The following RTN4 variants were observed in gnomAD, a reference collection of about 807,000 sequenced individuals.
RTN4 encodes reticulon 4, also known as reticulon-4.
Under a neutral mutation model 90.4 loss-of-function variants are expected in RTN4, and 32 were observed. That is an observed-to-expected ratio of 0.35 (90% CI 0.27 to 0.48). The LOEUF (loss-of-function observed/expected upper bound fraction) is 0.48. RTN4 is among the 20% of genes least tolerant of loss of function. RTN4 has a pLI of 0.99. For synonymous variants in RTN4, 629 were observed against 552.5 expected (o/e 1.14, Z -1.94); for missense variants, 1,706 against 1,430.2 (o/e 1.19, Z -3.11).
Position 55,050,057 on chromosome 2 carries a change from C to T in RTN4, c.244G>A (p.Gly82Arg). 7.0e-7 allele frequency: 1 copy of T among 1,424,404 alleles called. No individual in the cohort carries two copies. Among genetic ancestry groups the T allele is most frequent in the Admixed American group, 2.9e-5 (1 of 34,678 alleles). The allele number at this position is 1,424,404 out of a possible 1,614,324, so 88.2% of individuals were successfully genotyped here. ...GGCGCCGGCGGCACGAAGTCATTTC[C>T]GAAGTCCATCAGGGGCGCGCCGGCG... ...PAAGAPLMDF[G>R]NDFVPPAPRG... Residue 82 changes from glycine (G) to arginine (R), a missense_variant, in exon 1 of 9, where the codon GGA becomes AGA. Coordinates refer to ENST00000337526, the MANE Select transcript of RTN4 (RefSeq NM_020532.5). The surrounding 1 kb of genome is among the most constrained non-coding windows in gnomAD (Gnocchi z 4.6).
intron 1 of RTN4, among the ~76,000 whole-genome samples, chr2:55,087,723 A>T (rs958336083): frequency 6.6e-6 from 1 of 151,988 alleles, no homozygotes; most frequent in African/African-American, 2.4e-5. Flanking sequence ...TAGTATATGT[A>T]TATCTTCAGC....
At position 55,061,650 on chromosome 2, in the gene RTN4, G is replaced by A. The variant is rs1288710575; in HGVS notation, c.-63+18839C>T. 3.3e-5 allele frequency among the ~76,000 whole-genome samples: 5 copies of A among 152,294 alleles called. No homozygotes were observed. In the East Asian group the frequency reaches 9.6e-4, roughly 29 times the overall value. On this transcript the variant is annotated intron_variant, in intron 2 of 3. Transcript: ENST00000427710. ...GAAGAATGTCCCAACTTCTCAACTT[G>A]TTTGATTGCTTCGTCAAGGTACCAG... is the stretch of plus-strand genomic sequence containing the variant.
At chr2:55,121,562 C>T in the RTN4 span, among the ~76,000 whole-genome samples, 1 of 152,328 alleles carries the variant, frequency 6.6e-6, no homozygotes, top group Non-Finnish European at 1.5e-5. Context: ...TAATTATAAT[C>T]ATAGAGCATC....
chr2:55,111,305 A>G (rs899326907), intron 1 of RTN4, among the ~76,000 whole-genome samples: 2 of 152,182 alleles, frequency 1.3e-5, no homozygotes, highest in African/African-American at 4.8e-5. Context: ...CAGAGATAAC[A>G]AAGAAACCTT....
At chr2:54,973,956 G>A (rs1340830845) in intron 6 of RTN4, 89 bp from the exon 7 acceptor site, 5 of 1,141,206 alleles carry the variant, frequency 4.4e-6, no homozygotes, top group Non-Finnish European at 6.4e-6. Flanking sequence ...GGCAACTCAA[G>A]ATAACCAAGC....
rs184198496 is a variant in RTN4, at chr2:55,031,557, C to T, written c.557-3337G>A. Among the ~76,000 whole-genome samples, 122 of 152,328 alleles carry T rather than the reference C, an allele frequency of 8.0e-4. 1 individual carries two copies. Among genetic ancestry groups the T allele is most frequent in the Admixed American group, 2.9e-3 (44 of 15,300 alleles). On this transcript the variant is annotated intron_variant, in intron 1 of 8. Coordinates refer to ENST00000337526, the MANE Select transcript of RTN4 (RefSeq NM_020532.5). ...AACCTATGGTAGAGCTGCAAATTAA[C>T]TGGATTATATCGAAGGTCAGAAAGT...
intron 5 of RTN4, among the ~76,000 whole-genome samples, chr2:54,982,260 A>C (rs958977463): frequency 1.1e-4 from 17 of 152,044 alleles, no homozygotes; most frequent in African/African-American, 4.1e-4. Context: ...CCGGCCCACA[A>C]GTATGATTTA....
At chr2:55,059,819 G>T (rs1352023721) in intron 2 of RTN4, among the ~76,000 whole-genome samples, 1 of 151,978 alleles carries the variant, frequency 6.6e-6, no homozygotes, top group Non-Finnish European at 1.5e-5. Context: ...GGGCAACGGA[G>T]TGAGACTCTG....
rs570768218 is a variant in RTN4, at chr2:55,040,953, T to C, written c.556+8792A>G. ...TGAGAAAAACAAGCTATTAAAGAAA[T>C]AATTATTTTTGAAAAGTAGAGGGCC... On this transcript the variant is annotated intron_variant, in intron 1 of 8. Coordinates refer to ENST00000337526, the MANE Select transcript of RTN4 (RefSeq NM_020532.5). Among the ~76,000 whole-genome samples the C allele has an allele frequency of 2.6e-5, 4 of 151,376 alleles. No homozygotes were observed. In the South Asian group the frequency reaches 8.3e-4, roughly 32 times the overall value.
chr2:55,097,692 C>T (rs1036448331), intron 1 of RTN4, among the ~76,000 whole-genome samples: 9 of 152,002 alleles, frequency 5.9e-5, no homozygotes, highest in South Asian at 2.1e-4. Flanking sequence ...ATATGAGAGA[C>T]GGAATAGGTT....
At chr2:55,120,013 T>C in the RTN4 span, among the ~76,000 whole-genome samples, 1 of 152,124 alleles carries the variant, frequency 6.6e-6, no homozygotes, top group Admixed American at 6.5e-5. Context: ...TCATTGCAAG[T>C]GACTGTAAAA....
intron 3 of RTN4, among the ~76,000 whole-genome samples, chr2:55,001,172 G>C (rs1217718898): frequency 1.3e-5 from 2 of 152,120 alleles, no homozygotes; most frequent in Non-Finnish European, 2.9e-5. Flanking sequence ...AAGATGTGAA[G>C]TTAAGTCAAT....
chr2:54,981,591 C>T (rs1024832099), intron 5 of RTN4, among the ~76,000 whole-genome samples: 2 of 152,172 alleles, frequency 1.3e-5, no homozygotes, highest in Admixed American at 6.5e-5. Context: ...TCCAGTGCTT[C>T]AGGCTTAAAT....
At chr2:55,115,186 C>G (rs573005273), upstream of RTN4, among the ~76,000 whole-genome samples, 25 of 152,308 alleles carry the variant, frequency 1.6e-4, no homozygotes, top group South Asian at 5.2e-3. Context: ...CTCTGTAGGT[C>G]AGAAGTCTGA....
At position 55,110,624 on chromosome 2, in the gene RTN4, A is replaced by T. The variant is rs190578040; in HGVS notation, c.-214+1896T>A. Among the ~76,000 whole-genome samples, 18 of 152,370 alleles carry T rather than the reference A, an allele frequency of 1.2e-4. No homozygotes were observed. The East Asian group carries it at 3.5e-3, about 29-fold the overall frequency. On this transcript the variant is annotated intron_variant, in intron 1 of 3. Coordinates refer to the RTN4 transcript ENST00000427710. ...CCAATGTCAATCTATCTGAGGGCGC[A>T]TATACGTCCATTTGGATCCTTTAAA... is the stretch of plus-strand genomic sequence containing the variant.
chr2:54,992,759 T>C (rs1024152498), intron 3 of RTN4, among the ~76,000 whole-genome samples: 3 of 152,104 alleles, frequency 2.0e-5, no homozygotes, highest in Non-Finnish European at 2.9e-5. Flanking sequence ...AGACTCACAG[T>C]ATATTCTCAC....
chr2:55,009,175 AT>A (rs918938782), intron 3 of RTN4, among the ~76,000 whole-genome samples: 2 of 152,010 alleles, frequency 1.3e-5, no homozygotes, highest in Admixed American at 6.6e-5. Flanking sequence ...GAAGGAAATA[AT>A]TTTTTTTAAT....
At chr2:55,057,045 C>T (rs367550167) in intron 2 of RTN4, among the ~76,000 whole-genome samples, 1 of 152,168 alleles carries the variant, frequency 6.6e-6, no homozygotes, top group Non-Finnish European at 1.5e-5. Context: ...AGAAAAAATG[C>T]ACAAACACAA....
Position 55,026,295 on chromosome 2 carries a change from C to T in RTN4, c.1804G>A (p.Glu602Lys), listed in dbSNP as rs200272918. ...ACTGGTGAAGGAGTAGCTTCTGACT[C>T]TTCAAATGATGGGCAAAGCTGTGCT... The part of the protein sequence containing the change: ...PAAQLCPSFE[E>K]SEATPSPVLP... The change falls in exon 3 of 9, where the codon GAG (glutamate) becomes AAG (lysine). Residue 602 changes from glutamate to lysine, a missense_variant. Physicochemically the swap from Glu to Lys is moderately conservative, Grantham distance 56. Transcript: ENST00000337526. The T allele has an allele frequency of 6.2e-7, 1 of 1,613,910 alleles. No homozygotes were observed. The highest frequency in any genetic ancestry group is 8.5e-7 in the Non-Finnish European group (1 of 1,179,868).
Sources: allele counts gnomAD v4.1 joint callset (sites outside exome capture counted in the v4.1 genomes callset), GRCh38; gene constraint gnomAD v4.1.1; non-coding constraint Gnocchi (gnomAD v3.1); transcripts MANE v1.5; gene names NCBI Gene and HGNC (gene_info 2026-07-23, HGNC 2026-07-21).